Variants in CELF2 observed in about 807,000 individuals in gnomAD.
CELF2 encodes CUGBP Elav-like family member 2, also known as CUG triplet repeat RNA-binding protein 2.
In CELF2, 8 loss-of-function variants were observed where a neutral mutation model predicts 62.6. That is an observed-to-expected ratio of 0.13 (90% CI 0.07 to 0.23). The LOEUF (loss-of-function observed/expected upper bound fraction) is 0.23. Among genes scored for constraint, CELF2 ranks in the 10% least tolerant of loss-of-function variants. The pLI is 1.00. For missense variants in CELF2, 333 were observed against 671.0 expected (o/e 0.50, Z 5.56); for synonymous variants, 258 against 250.0 (o/e 1.03, Z -0.30).
At chr10:11,202,951 CTGTG>C (rs3055302) in intron 2 of CELF2, among the ~76,000 whole-genome samples, 14,854 of 52,800 alleles carry the variant, frequency 0.28, 2,884 homozygotes, top group Non-Finnish European at 0.36. Context: ...CTCTCTCTCT[CTGTG>C]TGTGTGTGTG....
At position 11,223,935 on chromosome 10, in the gene CELF2, C is replaced by G. The variant is rs556457992; in HGVS notation, c.354+6428C>G. On this transcript the variant is annotated intron_variant, in intron 3 of 12. Transcript: ENST00000633077. The surrounding 1 kb of genome is among the most constrained non-coding windows in gnomAD (Gnocchi z 5.1). ...TTCACCCGCCATAAAGTTTTACACA[C>G]TACCTGAATAGCAGGTTGTTTTGGT... 4.9e-4 allele frequency among the ~76,000 whole-genome samples: 74 copies of G among 152,372 alleles called. 1 individual carries two copies. In the South Asian group the frequency reaches 0.011, roughly 22 times the overall value.
the CELF2 span, among the ~76,000 whole-genome samples, chr10:10,715,981 A>G: frequency 6.6e-6 from 1 of 152,174 alleles, no homozygotes; most frequent in Non-Finnish European, 1.5e-5. Context: ...GTCCCAATAC[A>G]GTTCTCTCTG....
chr10:11,139,598 A>T (rs2060975847), intron 1 of CELF2, among the ~76,000 whole-genome samples: 1 of 152,236 alleles, frequency 6.6e-6, no homozygotes, highest in African/African-American at 2.4e-5. Flanking sequence ...GTAAAAATGT[A>T]ACCTACAAGG....
chr10:10,798,740 C>T (rs993875261), exon 1 of CELF2: 15 of 398,742 alleles, frequency 3.8e-5, no homozygotes, highest in Non-Finnish European at 5.7e-5. Context: ...CCTCTCCGGA[C>T]TCGCCCTCAG....
intron 2 of CELF2, among the ~76,000 whole-genome samples, chr10:10,991,955 T>G (rs2053485217): frequency 6.6e-6 from 1 of 152,186 alleles, no homozygotes; most frequent in African/African-American, 2.4e-5. Flanking sequence ...TTGGTTATTT[T>G]TTACGCTATT....
chr10:10,557,897 T>G, the CELF2 span, among the ~76,000 whole-genome samples: 1 of 143,634 alleles, frequency 7.0e-6, no homozygotes, highest in African/African-American at 2.6e-5. Flanking sequence ...ATCCTGAGAC[T>G]TTGCTGAAGT....
At chr10:11,327,243 C>CA (rs1434130534) in intron 12 of CELF2, among the ~76,000 whole-genome samples, 1 of 152,062 alleles carries the variant, frequency 6.6e-6, no homozygotes, top group Non-Finnish European at 1.5e-5. Context: ...GGGAGGCTTC[C>CA]CTACATGATT....
At chr10:11,000,721 A>G (rs1295089477), upstream of CELF2, among the ~76,000 whole-genome samples, 3 of 152,194 alleles carry the variant, frequency 2.0e-5, no homozygotes, top group Non-Finnish European at 2.9e-5. Flanking sequence ...TAGCAATGCT[A>G]CTGGTGTCTT....
In CELF2 at chr10:11,124,281, A is replaced by G. The variant is rs1258103318; in HGVS notation, c.75-41205A>G. ...AGATTAGAGATGTGTGTATACATAC[A>G]TACCTACACACTCAATGTAGTCGCT... On this transcript the variant is annotated intron_variant, in intron 1 of 12. Transcript: ENST00000633077. 2.0e-5 allele frequency among the ~76,000 whole-genome samples: 3 copies of G among 152,196 alleles called. No homozygotes were observed. In the East Asian group the frequency reaches 5.8e-4, roughly 29 times the overall value.
intron 1 of CELF2, among the ~76,000 whole-genome samples, chr10:11,081,777 G>A (rs1005821435): frequency 6.6e-6 from 1 of 152,274 alleles, no homozygotes. Flanking sequence ...AGGGTTTCTA[G>A]TGTGTATCAG....
chr10:10,475,503 C>G, the CELF2 span, among the ~76,000 whole-genome samples: 3 of 151,426 alleles, frequency 2.0e-5, no homozygotes, highest in Non-Finnish European at 4.4e-5. Flanking sequence ...TAATTTTCTA[C>G]TTCCAGATCA....
At chr10:11,044,917 C>A (rs917978423) in intron 1 of CELF2, among the ~76,000 whole-genome samples, 1 of 152,224 alleles carries the variant, frequency 6.6e-6, no homozygotes, top group African/African-American at 2.4e-5. Context: ...TTAATTTATT[C>A]TTACTGTGCA....
chr10:10,603,136 C>T, the CELF2 span, among the ~76,000 whole-genome samples: 23 of 150,312 alleles, frequency 1.5e-4, no homozygotes, highest in Admixed American at 6.7e-4. Context: ...TTATTTCTAA[C>T]GAAAAGAAGA....
At chr10:11,131,634 G>A (rs974257498) in intron 1 of CELF2, among the ~76,000 whole-genome samples, 8 of 151,658 alleles carry the variant, frequency 5.3e-5, no homozygotes, top group African/African-American at 1.7e-4. Context: ...ATCCATGGAG[G>A]AAGGTGACAT....
chr10:10,650,308 C>CA, the CELF2 span, among the ~76,000 whole-genome samples: 1 of 152,160 alleles, frequency 6.6e-6, no homozygotes, highest in Non-Finnish European at 1.5e-5. Flanking sequence ...ATAAAAGAAT[C>CA]AAAGTTATTT....
chr10:11,237,167 G>A lies in CELF2; in HGVS notation c.355-11986G>A, dbSNP rs1038064883. Among the ~76,000 whole-genome samples the A allele has an allele frequency of 9.2e-5, 14 of 152,048 alleles. No homozygotes were observed. The highest frequency in any genetic ancestry group is 1.5e-4 in the Non-Finnish European group (10 of 68,032). Reference sequence around the variant, plus strand: ...AAAACCTCACTAGGGCTGTAGCCGTGGAAATAGAAAAGTCTATGAGAAGGA... The same window carrying A: ...AAAACCTCACTAGGGCTGTAGCCGTAGAAATAGAAAAGTCTATGAGAAGGA... On this transcript the variant is annotated intron_variant, in intron 3 of 12. Transcript: ENST00000633077. This position sits in a 1 kb window ranked among gnomAD's most constrained non-coding sequence, Gnocchi z 4.0.
intron 1 of CELF2, among the ~76,000 whole-genome samples, chr10:11,151,765 A>G (rs1401663981): frequency 6.6e-6 from 1 of 152,190 alleles, no homozygotes; most frequent in Admixed American, 6.5e-5. Flanking sequence ...GAAAAAAAAA[A>G]TAAGTAGATA....
intron 1 of CELF2, among the ~76,000 whole-genome samples, chr10:11,091,407 T>G (rs534272104): frequency 3.3e-5 from 5 of 152,346 alleles, no homozygotes; most frequent in Non-Finnish European, 7.3e-5. Context: ...TGTTCTGGGC[T>G]TGAGAAAATA....
the CELF2 span, among the ~76,000 whole-genome samples, chr10:10,716,559 C>T: frequency 2.6e-5 from 4 of 152,176 alleles, no homozygotes; most frequent in Non-Finnish European, 5.9e-5. Context: ...GAAAAAAAAT[C>T]ATTGAGAATG....
Sources: allele counts gnomAD v4.1 joint callset (sites outside exome capture counted in the v4.1 genomes callset), GRCh38; gene constraint gnomAD v4.1.1; non-coding constraint Gnocchi (gnomAD v3.1); transcripts MANE v1.5; gene names NCBI Gene and HGNC (gene_info 2026-07-23, HGNC 2026-07-21).